Variants in ANXA8 observed in about 807,000 individuals in gnomAD.
ANXA8 encodes the protein VAC-beta.
A neutral mutation model predicts 26.8 loss-of-function variants in ANXA8; 9 were observed. That is an observed-to-expected ratio of 0.34 (90% CI 0.20 to 0.59). The LOEUF (loss-of-function observed/expected upper bound fraction) is 0.59, where lower values mean the gene tolerates loss of function less well. Ranked by LOEUF, ANXA8 falls within the 20% of genes least tolerant of loss-of-function variation. ANXA8 has a pLI of 0.84. For synonymous variants in ANXA8, 39 were observed against 94.8 expected (o/e 0.41, Z 3.42); for missense variants, 83 against 238.5 (o/e 0.35, Z 4.29).
At chr10:47,506,012 TGTTAAA>T in the ANXA8 span, among the ~76,000 whole-genome samples, 1 of 142,462 alleles carries the variant, frequency 7.0e-6, no homozygotes. Flanking sequence ...CTTAAAGGCC[TGTTAAA>T]GTAAGATTGG....
At chr10:47,950,450 C>CTA in the ANXA8 span, among the ~76,000 whole-genome samples, 1 of 147,484 alleles carries the variant, frequency 6.8e-6, no homozygotes, top group South Asian at 2.1e-4. Context: ...GTGTAGTGTT[C>CTA]TATATCCTAG....
the ANXA8 span, among the ~76,000 whole-genome samples, chr10:47,606,886 GA>G: frequency 6.6e-6 from 1 of 152,130 alleles, no homozygotes; most frequent in African/African-American, 2.4e-5. Context: ...AAGCCTGTCA[GA>G]ACCACCCATT....
At chr10:47,510,918 TA>T in the ANXA8 span, among the ~76,000 whole-genome samples, 3 of 130,930 alleles carry the variant, frequency 2.3e-5, no homozygotes, top group African/African-American at 8.6e-5. Context: ...GAATTTCTAT[TA>T]ATTAATTAAT....
chr10:47,475,033 G>T (rs1396866401), intron 6 of ANXA8, 29 bp from the exon 7 acceptor site: 6 of 1,533,230 alleles, frequency 3.9e-6, no homozygotes, highest in Non-Finnish European at 3.5e-6. Context: ...GCTCTGTAAG[G>T]CAGGCCAGCT....
the ANXA8 span, among the ~76,000 whole-genome samples, chr10:47,768,345 C>T: frequency 6.6e-6 from 1 of 151,428 alleles, no homozygotes; most frequent in Admixed American, 6.6e-5. Flanking sequence ...CATAAGAGGG[C>T]AGAAAGACTT....
chr10:47,717,801 C>A, the ANXA8 span, among the ~76,000 whole-genome samples: 1 of 151,466 alleles, frequency 6.6e-6, no homozygotes, highest in South Asian at 2.1e-4. Flanking sequence ...AGTTTGAGAC[C>A]AGCCTGGCCA....
chr10:47,549,265 A>T, the ANXA8 span: 2 of 1,496,216 alleles, frequency 1.3e-6, no homozygotes, highest in Non-Finnish European at 1.8e-6. Context: ...ACAATGCTGT[A>T]AGTCTCCATC....
At chr10:47,956,918 C>G in the ANXA8 span, among the ~76,000 whole-genome samples, 2 of 150,246 alleles carry the variant, frequency 1.3e-5, no homozygotes, top group Non-Finnish European at 2.9e-5. Flanking sequence ...CCTGTGCATC[C>G]CAGATACAGG....
the ANXA8 span, among the ~76,000 whole-genome samples, chr10:47,520,856 AAAAAAG>A: frequency 4.5e-5 from 6 of 132,230 alleles, no homozygotes; most frequent in African/African-American, 1.9e-4. Flanking sequence ...AAAAAAAAAA[AAAAAAG>A]AAGAAGAGGT....
At chr10:47,941,728 G>A in the ANXA8 span, among the ~76,000 whole-genome samples, 1 of 147,828 alleles carries the variant, frequency 6.8e-6, no homozygotes, top group Non-Finnish European at 1.5e-5. Flanking sequence ...TGAGAGGGAA[G>A]CCACTATGTT....
the ANXA8 span, among the ~76,000 whole-genome samples, chr10:47,745,888 T>C: frequency 6.6e-6 from 1 of 151,128 alleles, no homozygotes; most frequent in East Asian, 2.0e-4. Context: ...GCCAATGGGA[T>C]ATTGGATGAC....
the ANXA8 span, among the ~76,000 whole-genome samples, chr10:47,521,719 G>A: frequency 2.9e-5 from 4 of 135,740 alleles, no homozygotes; most frequent in African/African-American, 8.1e-5. Flanking sequence ...ATTGTTTTCT[G>A]TTTTCTACCG....
At chr10:47,663,552 GT>G in the ANXA8 span, among the ~76,000 whole-genome samples, 1 of 129,056 alleles carries the variant, frequency 7.7e-6, no homozygotes, top group South Asian at 2.2e-4. Flanking sequence ...TGCCCAGCTT[GT>G]TTTTTATTTT....
At chr10:47,766,103 A>G in the ANXA8 span, among the ~76,000 whole-genome samples, 1 of 144,226 alleles carries the variant, frequency 6.9e-6, no homozygotes, top group Non-Finnish European at 1.5e-5. Flanking sequence ...GAGGGCCTCC[A>G]TGAAGGCAGG....
intron 1 of ANXA8, among the ~76,000 whole-genome samples, chr10:47,483,125 G>A (rs1484881737): frequency 6.6e-6 from 1 of 151,676 alleles, no homozygotes; most frequent in African/African-American, 2.4e-5. Context: ...ACCATAGATG[G>A]AAAGCTCCCG....
At chr10:47,958,928 G>A in the ANXA8 span, among the ~76,000 whole-genome samples, 1 of 150,198 alleles carries the variant, frequency 6.7e-6, no homozygotes, top group Non-Finnish European at 1.5e-5. Context: ...TAACACGTAG[G>A]GATTATGGGG....
At chr10:47,710,246 A>T in the ANXA8 span, 5 of 1,517,754 alleles carry the variant, frequency 3.3e-6, no homozygotes, top group Non-Finnish European at 3.5e-6. Context: ...GTGACGTTGT[A>T]CTTCAAGACT....
chr10:47,526,529 A>T, the ANXA8 span, among the ~76,000 whole-genome samples: 1 of 131,636 alleles, frequency 7.6e-6, no homozygotes, highest in Non-Finnish European at 1.5e-5. Context: ...AGGCAGATAC[A>T]CAAACAAAGG....
chr10:47,565,572 C>G, the ANXA8 span: 132 of 291,790 alleles, frequency 4.5e-4, no homozygotes, highest in South Asian at 1.3e-3. Context: ...TCGCCCTGCC[C>G]GGACGCCGCG....
Sources: gnomAD v4.1 joint callset for allele counts (sites outside exome capture counted in the v4.1 genomes callset) on GRCh38, gnomAD v4.1.1 for gene constraint, MANE v1.5 for transcripts, NCBI Gene and HGNC (gene_info 2026-07-23, HGNC 2026-07-21) for gene names.